FOXP1: variants seen among roughly 807,000 people sequenced by gnomAD.
The protein encoded by FOXP1 is forkhead box protein P1.
A neutral mutation model predicts 98.2 loss-of-function variants in FOXP1; 15 were observed. That is an observed-to-expected ratio of 0.15 (90% confidence interval 0.10 to 0.24). FOXP1 has a LOEUF of 0.24. Ranked by LOEUF, FOXP1 falls within the 10% of genes least tolerant of loss-of-function variation. The probability of loss-of-function intolerance (pLI) is 1.00; values close to 1 mark genes in which losing one functional copy is unlikely to be tolerated. For synonymous variants in FOXP1, 371 were observed against 314.5 expected (o/e 1.18, Z -1.90); for missense variants, 633 against 848.5 (o/e 0.75, Z 3.15).
chr3:71,097,868 T>A (rs2056609085), intron 7 of FOXP1, among the ~76,000 whole-genome samples: 2 of 152,204 alleles, frequency 1.3e-5, no homozygotes, highest in South Asian at 4.1e-4. Context: ...GCACCGAGCA[T>A]CTTTGAAGAA....
At chr3:71,169,586 C>G (rs1339696888) in intron 6 of FOXP1, among the ~76,000 whole-genome samples, 1 of 151,736 alleles carries the variant, frequency 6.6e-6, no homozygotes, top group African/African-American at 2.4e-5. Context: ...TTAACTGCAC[C>G]TTTTATCTTT....
chr3:71,145,889 C>A (rs577715770), intron 6 of FOXP1, among the ~76,000 whole-genome samples: 1 of 152,146 alleles, frequency 6.6e-6, no homozygotes, highest in Non-Finnish European at 1.5e-5. Flanking sequence ...ATTCTGTACA[C>A]GAGTCCCTTG....
chr3:71,524,298 G>A (rs1214273498), intron 2 of FOXP1, among the ~76,000 whole-genome samples: 1 of 152,078 alleles, frequency 6.6e-6, no homozygotes, highest in Admixed American at 6.5e-5. Flanking sequence ...AGGAAGCAGA[G>A]GTTGCAGTGA....
At chr3:71,400,121 G>C (rs1042029828) in intron 3 of FOXP1, among the ~76,000 whole-genome samples, 5 of 152,008 alleles carry the variant, frequency 3.3e-5, no homozygotes, top group Non-Finnish European at 5.9e-5. Flanking sequence ...TTTCCTGGGA[G>C]GGTTTGGGGC....
intron 1 of FOXP1, chr3:71,582,242 A>G: frequency 7.1e-6 from 7 of 985,352 alleles, no homozygotes; most frequent in Non-Finnish European, 8.4e-6. Context: ...GAGGGCCAAA[A>G]AGAAGAAGGA....
intron 3 of FOXP1, among the ~76,000 whole-genome samples, chr3:71,479,979 C>T (rs2090145225): frequency 6.6e-6 from 1 of 151,922 alleles, no homozygotes. Context: ...AGGCAGATCA[C>T]GAGGTCAGGA....
chr3:71,037,802 C>T (rs1423422977), intron 11 of FOXP1, among the ~76,000 whole-genome samples: 1 of 152,214 alleles, frequency 6.6e-6, no homozygotes, highest in Admixed American at 6.5e-5. Context: ...GATTTGAACG[C>T]TGGCATCCGC....
chr3:71,248,578 T>C (rs1264354783), intron 5 of FOXP1, among the ~76,000 whole-genome samples: 7 of 151,934 alleles, frequency 4.6e-5, no homozygotes, highest in African/African-American at 1.7e-4. Flanking sequence ...CTGTCTCTAC[T>C]AAAAATACAA....
At chr3:71,017,085 A>G (rs1421982510) in intron 11 of FOXP1, among the ~76,000 whole-genome samples, 1 of 152,186 alleles carries the variant, frequency 6.6e-6, no homozygotes, top group Non-Finnish European at 1.5e-5. Context: ...CTCATACAAG[A>G]AAGGAATAAA....
At chr3:71,307,984 G>A (rs1346637504) in intron 4 of FOXP1, among the ~76,000 whole-genome samples, 1 of 152,226 alleles carries the variant, frequency 6.6e-6, no homozygotes, top group African/African-American at 2.4e-5. Context: ...TAAGCTCCTT[G>A]CTGAAAGAGC....
At chr3:71,114,039 T>G (rs2107761274) in intron 6 of FOXP1, among the ~76,000 whole-genome samples, 1 of 152,286 alleles carries the variant, frequency 6.6e-6, no homozygotes, top group African/African-American at 2.4e-5. Flanking sequence ...AGACACAAAA[T>G]GAGACTTCTT....
intron 13 of FOXP1, among the ~76,000 whole-genome samples, chr3:70,991,365 G>A (rs2040573512): frequency 6.6e-6 from 1 of 152,140 alleles, no homozygotes; most frequent in Non-Finnish European, 1.5e-5. Flanking sequence ...TTAGGTTTAA[G>A]ACAGTCTGGG....
chr3:71,545,926 A>G (rs1397609826), intron 2 of FOXP1, among the ~76,000 whole-genome samples: 2 of 152,230 alleles, frequency 1.3e-5, no homozygotes, highest in Non-Finnish European at 2.9e-5. Context: ...ACAGGTTTCC[A>G]GAAATCACTT....
intron 4 of FOXP1, among the ~76,000 whole-genome samples, chr3:71,356,606 AG>A (rs2078177736): frequency 6.6e-6 from 1 of 152,168 alleles, no homozygotes; most frequent in Admixed American, 6.5e-5. Context: ...AACTCTTCAG[AG>A]TGAGCTGGCT....
At chr3:71,324,309 ATGCACACG>A (rs994614416) in intron 4 of FOXP1, among the ~76,000 whole-genome samples, 2 of 152,194 alleles carry the variant, frequency 1.3e-5, no homozygotes, top group Non-Finnish European at 2.9e-5. Flanking sequence ...ATAAAGACAC[ATGCACACG>A]TATGTTTACT....
At chr3:71,503,569 C>A (rs530208652) in intron 2 of FOXP1, among the ~76,000 whole-genome samples, 38 of 141,654 alleles carry the variant, frequency 2.7e-4, no homozygotes, top group African/African-American at 9.6e-4. Context: ...CCATTGCACT[C>A]CAGCCTGGGC....
rs544766693 is a variant in FOXP1 at position 70,958,311 on chromosome 3, C to CTTTT, written c.*932_*935dup. ...GGCATTGTTCCTAGAGTTTGTCTCT[C>CTTTT]TTTTTTTTTTCTGTCATTCATTCTC... On this transcript the variant is annotated 3_prime_UTR_variant, in exon 21 of 21. Coordinates refer to ENST00000649528, the MANE Select transcript of FOXP1 (RefSeq NM_001349338.3). 8.3e-6 allele frequency: 4 copies of CTTTT among 479,606 alleles called. No individual in the cohort carries two copies. Among genetic ancestry groups the CTTTT allele is most frequent in the African/African-American group, 8.0e-5 (4 of 50,010 alleles). The allele number at this position is 479,606 out of a possible 1,614,324, so 29.7% of individuals were successfully genotyped here.
rs1415108642 is a variant in FOXP1, at chr3:71,382,810, T to C, written c.-167-23566A>G. ...ATCAAACTCATCCTAATTTAAATAC[T>C]GAAAAACACCAGGATAACATCTTCT... On this transcript the variant is annotated intron_variant, in intron 3 of 20. Coordinates refer to ENST00000649528, the MANE Select transcript of FOXP1 (RefSeq NM_001349338.3). 2.0e-5 allele frequency among the ~76,000 whole-genome samples: 3 copies of C among 152,284 alleles called. No homozygotes were observed. The East Asian group carries it at 5.8e-4, about 29-fold the overall frequency.
chr3:71,443,791 G>T (rs1341727218), intron 3 of FOXP1, among the ~76,000 whole-genome samples: 1 of 152,160 alleles, frequency 6.6e-6, no homozygotes, highest in Admixed American at 6.5e-5. Flanking sequence ...AAGAATGGAG[G>T]CTATTTCTCA....
Sources: gnomAD v4.1 joint callset for allele counts (sites outside exome capture counted in the v4.1 genomes callset) on GRCh38, gnomAD v4.1.1 for gene constraint, MANE v1.5 for transcripts, NCBI Gene and HGNC (gene_info 2026-07-23, HGNC 2026-07-21) for gene names.